TMEM240: variants seen among roughly 807,000 people sequenced by gnomAD.
TMEM240 encodes transmembrane protein 240, also known as transmembrane protein C1orf70.
A neutral mutation model predicts 19.5 loss-of-function variants in TMEM240; 3 were observed. That is an observed-to-expected ratio of 0.15 (90% CI 0.07 to 0.40). The LOEUF is 0.40. TMEM240 is among the 10% of genes least tolerant of loss of function. TMEM240 has a pLI of 1.00. For missense variants in TMEM240, 210 were observed against 253.5 expected (o/e 0.83, Z 1.17); for synonymous variants, 123 against 109.3 (o/e 1.13, Z -0.78).
chr1:1,538,406 A>C (rs1642253961), intron 2 of TMEM240, among the ~76,000 whole-genome samples: 1 of 152,208 alleles, frequency 6.6e-6, no homozygotes, highest in Non-Finnish European at 1.5e-5. Flanking sequence ...AAATACTCTA[A>C]GGCGCCTCTG....
chr1:1,535,437 G>A lies in TMEM240; in HGVS notation c.444C>T (p.Phe148=), dbSNP rs373280568. Residue 148 remains phenylalanine, a synonymous_variant, in exon 4 of 4, where the codon TTC becomes TTT. Coordinates refer to ENST00000378733, the MANE Select transcript of TMEM240 (RefSeq NM_001114748.2). This position sits in a 1 kb window ranked among gnomAD's most constrained non-coding sequence, Gnocchi z 8.2. The part of the protein sequence containing the change: ...RELGRRPHRP[F]EEAAGNMVHV... ...GTACCATGTTCCCGGCGGCCTCCTC[G>A]AAGGGCCTGTGCGGCCGCCGGCCCA... 55 of 1,549,554 alleles carry A rather than the reference G, an allele frequency of 3.5e-5. No homozygotes were observed. The highest frequency in any genetic ancestry group is 3.9e-5 in the Admixed American group (2 of 50,978).
At position 1,536,319 on chromosome 1, in the gene TMEM240, C is replaced by G. The variant is rs762554387; in HGVS notation, c.165-522G>C. 5.3e-5 allele frequency among the ~76,000 whole-genome samples: 8 copies of G among 152,278 alleles called. No individual in the cohort carries two copies. The highest frequency in any genetic ancestry group is 5.2e-4 in the Admixed American group (8 of 15,310). On this transcript the variant is annotated intron_variant, in intron 2 of 3. Coordinates refer to ENST00000378733, the MANE Select transcript of TMEM240 (RefSeq NM_001114748.2). This position sits in a 1 kb window ranked among gnomAD's most constrained non-coding sequence, Gnocchi z 5.4. ...GTGCCCTTTCCTCCACGGCTGCCAC[C>G]GCGCCTGCCAGGCCCACTGCCCCTG...
Position 1,535,894 on chromosome 1 carries a change from G to T in TMEM240, c.165-97C>A. ...CGTGGTGGGGGTGTGACCGCGTCAG[G>T]CCGCCCTGGGGGTTCTCTGAAGCAG... On this transcript the variant is annotated intron_variant, in intron 2 of 3. Coordinates refer to ENST00000378733, the MANE Select transcript of TMEM240 (RefSeq NM_001114748.2). The surrounding 1 kb of genome is among the most constrained non-coding windows in gnomAD (Gnocchi z 8.2). The T allele has an allele frequency of 1.5e-6, 1 of 680,040 alleles. No homozygotes were observed. The allele number at this position is 680,040 out of a possible 1,614,324, so 42.1% of individuals were successfully genotyped here. A position where few individuals can be genotyped will look rare whatever the true frequency, so the allele number is the denominator to read the frequency against.
At chr1:1,537,513 C>A (rs903729649) in intron 2 of TMEM240, among the ~76,000 whole-genome samples, 1 of 152,150 alleles carries the variant, frequency 6.6e-6, no homozygotes, top group African/African-American at 2.4e-5. Context: ...CATGGCTGGC[C>A]TGGGTACCTG....
chr1:1,539,645 C>A, intron 2 of TMEM240, 39 bp downstream of exon 2: 1 of 1,511,828 alleles, frequency 6.6e-7, no homozygotes, highest in East Asian at 2.5e-5. Context: ...CACACATGTG[C>A]GCTCACGCGT....
In TMEM240 at chr1:1,535,164, C is replaced by G. The variant is rs1376748661; in HGVS notation, c.*195G>C. 1 of 578,444 alleles carries G rather than the reference C, an allele frequency of 1.7e-6. No homozygotes were observed. The allele number at this position is 578,444 out of a possible 1,614,324, so 35.8% of individuals were successfully genotyped here. On this transcript the variant is annotated 3_prime_UTR_variant, in exon 4 of 4. Coordinates refer to ENST00000378733, the MANE Select transcript of TMEM240 (RefSeq NM_001114748.2). This position sits in a 1 kb window ranked among gnomAD's most constrained non-coding sequence, Gnocchi z 8.2. The stretch of plus-strand genomic sequence containing the variant: ...GGTCTCCCCTAACCCAACCCCCACC[C>G]TAGCCCACACCCCAACCCCCTTTAT...
chr1:1,535,204 G>A lies in TMEM240; in HGVS notation c.*155C>T. 1 of 580,396 alleles carries A rather than the reference G, an allele frequency of 1.7e-6. No homozygotes were observed. Among genetic ancestry groups the A allele is most frequent in the Non-Finnish European group, 2.7e-6 (1 of 372,600 alleles). The allele number at this position is 580,396 out of a possible 1,614,324, so 36.0% of individuals were successfully genotyped here. A position where few individuals can be genotyped will look rare whatever the true frequency, so the allele number is the denominator to read the frequency against. ...ACCCCCTTTATAAAAAGAAGAGACAGCACCTTCCACTGGACTCTCCCGGCC... is the reference window on the plus strand; with the variant it reads ...ACCCCCTTTATAAAAAGAAGAGACAACACCTTCCACTGGACTCTCCCGGCC... On this transcript the variant is annotated 3_prime_UTR_variant, in exon 4 of 4. Transcript: ENST00000378733. The surrounding 1 kb of genome is among the most constrained non-coding windows in gnomAD (Gnocchi z 8.2).
Position 1,540,600 on chromosome 1 carries a change from C to A in TMEM240, c.-254G>T. On this transcript the variant is annotated 5_prime_UTR_variant, in exon 1 of 4. Coordinates refer to ENST00000378733, the MANE Select transcript of TMEM240 (RefSeq NM_001114748.2). Reference sequence around the variant, plus strand: ...CCGCTCCGCCCTCGGGTCCTCCCTGCGATGCGCTCGGCTCGGCTCGACTCG... The same window carrying A: ...CCGCTCCGCCCTCGGGTCCTCCCTGAGATGCGCTCGGCTCGGCTCGACTCG... 6.2e-6 allele frequency: 1 copy of A among 160,986 alleles called. No homozygotes were observed. Among genetic ancestry groups the A allele is most frequent in the Non-Finnish European group, 1.3e-5 (1 of 74,228 alleles). The allele number at this position is 160,986 out of a possible 1,614,324, so 10.0% of individuals were successfully genotyped here.
At position 1,540,377 on chromosome 1, in the gene TMEM240, C is replaced by T. The variant is rs1445807635; in HGVS notation, c.-31G>A. The T allele has an allele frequency of 3.7e-6, 4 of 1,095,590 alleles. No homozygotes were observed. Among genetic ancestry groups the T allele is most frequent in the African/African-American group, 1.7e-5 (1 of 59,218 alleles). The allele number at this position is 1,095,590 out of a possible 1,614,324, so 67.9% of individuals were successfully genotyped here. On this transcript the variant is annotated 5_prime_UTR_variant, in exon 1 of 4. Transcript: ENST00000378733. The stretch of plus-strand genomic sequence containing the variant: ...GGGGCCGGGCCGGGCCGGAGCGCCG[C>T]CCCCCGGCCCCGGCGCCCCCCCGGC...
At position 1,535,441 on chromosome 1, in the gene TMEM240, G is replaced by C; in HGVS notation, c.440C>G (p.Pro147Arg). The change falls in exon 4 of 4, where the codon CCC becomes CGC. Residue 147 changes from proline to arginine, a missense_variant. By Grantham distance (103) the Pro-to-Arg change is moderately radical. Coordinates refer to ENST00000378733, the MANE Select transcript of TMEM240 (RefSeq NM_001114748.2). This position sits in a 1 kb window ranked among gnomAD's most constrained non-coding sequence, Gnocchi z 8.2. ...LRELGRRPHR[P>R]FEEAAGNMVH... The stretch of plus-strand genomic sequence containing the variant: ...CATGTTCCCGGCGGCCTCCTCGAAG[G>C]GCCTGTGCGGCCGCCGGCCCAGCTC... 6.5e-7 allele frequency: 1 copy of C among 1,549,394 alleles called. No individual in the cohort carries two copies. The highest frequency in any genetic ancestry group is 8.7e-7 in the Non-Finnish European group (1 of 1,146,458).
In TMEM240 at chr1:1,535,351, C is replaced by A; in HGVS notation, c.*8G>T. On this transcript the variant is annotated 3_prime_UTR_variant, in exon 4 of 4. Transcript: ENST00000378733. The surrounding 1 kb of genome is among the most constrained non-coding windows in gnomAD (Gnocchi z 8.2). ...TGGCTCGGTGGCCCCGGTAAGTCCC[C>A]GTGCGGCTCACAGGTGCCGCGGGCT... 1 of 1,548,676 alleles carries A rather than the reference C, an allele frequency of 6.5e-7. No individual in the cohort carries two copies. Among genetic ancestry groups the A allele is most frequent in the South Asian group, 1.2e-5 (1 of 83,826 alleles).
At position 1,535,139 on chromosome 1, in the gene TMEM240, G is replaced by A. The variant is rs1423829393; in HGVS notation, c.*220C>T. 1.4e-5 allele frequency: 6 copies of A among 434,266 alleles called. No individual in the cohort carries two copies. Among genetic ancestry groups the A allele is most frequent in the Non-Finnish European group, 2.5e-5 (6 of 241,254 alleles). The allele number at this position is 434,266 out of a possible 1,614,324, so 26.9% of individuals were successfully genotyped here. On this transcript the variant is annotated 3_prime_UTR_variant, in exon 4 of 4. Coordinates refer to ENST00000378733, the MANE Select transcript of TMEM240 (RefSeq NM_001114748.2). This position sits in a 1 kb window ranked among gnomAD's most constrained non-coding sequence, Gnocchi z 8.2. Reference sequence around the variant, plus strand: ...CTTGTGTCCTGCCCCCCAACTGCAGGGTCTCCCCTAACCCAACCCCCACCC... The same window carrying A: ...CTTGTGTCCTGCCCCCCAACTGCAGAGTCTCCCCTAACCCAACCCCCACCC...
chr1:1,535,293 C>T lies in TMEM240; in HGVS notation c.*66G>A, dbSNP rs569792820. The stretch of plus-strand genomic sequence containing the variant: ...CCAGTCCCGCCGGCCCGGGCGTCCA[C>T]GAGGTCCCTTTTACATCTGTACAGC... On this transcript the variant is annotated 3_prime_UTR_variant, in exon 4 of 4. Coordinates refer to ENST00000378733, the MANE Select transcript of TMEM240 (RefSeq NM_001114748.2). The surrounding 1 kb of genome is among the most constrained non-coding windows in gnomAD (Gnocchi z 8.2). 99 of 1,511,728 alleles carry T rather than the reference C, an allele frequency of 6.5e-5. No homozygotes were observed. The highest frequency in any genetic ancestry group is 8.0e-5 in the Non-Finnish European group (90 of 1,124,914). The allele number at this position is 1,511,728 out of a possible 1,614,324, so 93.6% of individuals were successfully genotyped here.
chr1:1,535,740 G>A lies in TMEM240; in HGVS notation c.222C>T (p.Ser74=), dbSNP rs989944190. The A allele has an allele frequency of 1.7e-5, 27 of 1,550,248 alleles. No homozygotes were observed. Among genetic ancestry groups the A allele is most frequent in the Admixed American group, 1.2e-4 (6 of 50,968 alleles). The change falls in exon 3 of 4, where the codon TCC becomes TCT. Residue 74 remains serine (S), a synonymous_variant. Transcript: ENST00000378733. The surrounding 1 kb of genome is among the most constrained non-coding windows in gnomAD (Gnocchi z 8.2). ...YDGDQSVVDA[S]ENYFVTDSVT... ...CACTGTCCGTCACAAAGTAGTTCTCGGAGGCGTCCACCACCGACTGGTCCC... is the reference window on the plus strand; with the variant it reads ...CACTGTCCGTCACAAAGTAGTTCTCAGAGGCGTCCACCACCGACTGGTCCC...
rs2100694282 is a variant in TMEM240, at chr1:1,534,965, G to T, written c.*394C>A. 6.7e-6 allele frequency among the ~76,000 whole-genome samples: 1 copy of T among 149,518 alleles called. No individual in the cohort carries two copies. The highest frequency in any genetic ancestry group is 2.1e-4 in the South Asian group (1 of 4,768). On this transcript the variant is annotated 3_prime_UTR_variant, in exon 4 of 4. Coordinates refer to ENST00000378733, the MANE Select transcript of TMEM240 (RefSeq NM_001114748.2). ...CAAGCTGGCTGGGGCCAGACAGACG[G>T]TGGACGCAGCGCACGGGAAACAGCG...
In TMEM240 at chr1:1,535,836, C is replaced by G. The variant is rs1007046805; in HGVS notation, c.165-39G>C. On this transcript the variant is annotated intron_variant, in intron 2 of 3. Transcript: ENST00000378733. This position sits in a 1 kb window ranked among gnomAD's most constrained non-coding sequence, Gnocchi z 8.2. ...GGCGGGCTGGCACCTCTCCCGCCAC[C>G]CCCGGCCTGGCCTTCCCCCGGGGCG... 1 of 1,533,188 alleles carries G rather than the reference C, an allele frequency of 6.5e-7. No homozygotes were observed. Among genetic ancestry groups the G allele is most frequent in the South Asian group, 1.2e-5 (1 of 83,736 alleles). The allele number at this position is 1,533,188 out of a possible 1,614,324, so 95.0% of individuals were successfully genotyped here. A position where few individuals can be genotyped will look rare whatever the true frequency, so the allele number is the denominator to read the frequency against.
chr1:1,535,083 GC>G lies in TMEM240; in HGVS notation c.*275del, dbSNP rs1285808838. The G allele has an allele frequency of 5.9e-5, 4 of 67,552 alleles. No homozygotes were observed. The highest frequency in any genetic ancestry group is 7.0e-4 in the South Asian group (2 of 2,872). The allele number at this position is 67,552 out of a possible 1,614,324, so 4.2% of individuals were successfully genotyped here. ...CTCCCTGCCCCCCAGGACCCTCCCT[GC>G]CCCCCAGCACCGCTGGGGATGAGTC... On this transcript the variant is annotated 3_prime_UTR_variant, in exon 4 of 4. Coordinates refer to ENST00000378733, the MANE Select transcript of TMEM240 (RefSeq NM_001114748.2). This position sits in a 1 kb window ranked among gnomAD's most constrained non-coding sequence, Gnocchi z 8.2.
At position 1,536,419 on chromosome 1, in the gene TMEM240, T is replaced by G. The variant is rs1642222759; in HGVS notation, c.165-622A>C. ...GGGCTCTACCCAGCACCCCATCCTC[T>G]CCCCTTCCTGGGGGACGCCCCCTTG... is the stretch of plus-strand genomic sequence containing the variant. On this transcript the variant is annotated intron_variant, in intron 2 of 3. Coordinates refer to ENST00000378733, the MANE Select transcript of TMEM240 (RefSeq NM_001114748.2). The surrounding 1 kb of genome is among the most constrained non-coding windows in gnomAD (Gnocchi z 5.4). Among the ~76,000 whole-genome samples the G allele has an allele frequency of 6.6e-6, 1 of 152,086 alleles. No individual in the cohort carries two copies. Among genetic ancestry groups the G allele is most frequent in the African/African-American group, 2.4e-5 (1 of 41,410 alleles).
At chr1:1,537,565 C>T (rs1171066553) in intron 2 of TMEM240, among the ~76,000 whole-genome samples, 1 of 152,150 alleles carries the variant, frequency 6.6e-6, no homozygotes, top group African/African-American at 2.4e-5. Context: ...CTGGAGGGCT[C>T]AGGTCTCCCA....
Sources: gnomAD v4.1 joint callset for allele counts (sites outside exome capture counted in the v4.1 genomes callset) on GRCh38, gnomAD v4.1.1 for gene constraint, Gnocchi (gnomAD v3.1) non-coding constraint, MANE v1.5 for transcripts, NCBI Gene and HGNC (gene_info 2026-07-23, HGNC 2026-07-21) for gene names.